The following BBX variants were observed in gnomAD, a reference collection of about 807,000 sequenced individuals.
BBX encodes BBX high mobility group box domain containing, also known as HMG box transcription factor BBX.
BBX carries 30 observed loss-of-function variants against 100.2 expected under a neutral mutation model. That is an observed-to-expected ratio of 0.30 (90% confidence interval 0.22 to 0.41). The LOEUF (loss-of-function observed/expected upper bound fraction) is 0.41. Ranked by LOEUF, BBX falls within the 10% of genes least tolerant of loss-of-function variation. The pLI is 1.00. For synonymous variants in BBX, 376 were observed against 388.1 expected, an observed-to-expected ratio of 0.97 and a Z score of 0.37; for missense variants, 1,023 against 1,129.8, an observed-to-expected ratio of 0.91 and a Z score of 1.35.
rs191163049 is a variant in BBX, at chr3:107,686,552, G to T, written c.-9-23900G>T. Among the ~76,000 whole-genome samples, 458 of 152,044 alleles carry T rather than the reference G, an allele frequency of 3.0e-3. 2 individuals carry two copies. The highest frequency in any genetic ancestry group is 3.6e-3 in the Non-Finnish European group (244 of 67,980). Reference sequence around the variant, plus strand: ...TAGTGACAGTAGTTGTCTGGACTTTGCAGTATCAATAATTTAGCACTTTTA... The same window carrying T: ...TAGTGACAGTAGTTGTCTGGACTTTTCAGTATCAATAATTTAGCACTTTTA... On this transcript the variant is annotated intron_variant, in intron 3 of 17. Coordinates refer to ENST00000325805, the MANE Select transcript of BBX (RefSeq NM_001142568.3).
chr3:107,781,362 G>A (rs552792536), intron 13 of BBX, among the ~76,000 whole-genome samples: 2 of 151,970 alleles, frequency 1.3e-5, no homozygotes, highest in East Asian at 1.9e-4. Flanking sequence ...CTCCAACTTG[G>A]GCTATGTTAT....
At chr3:107,759,985 T>G (rs903780971) in intron 10 of BBX, among the ~76,000 whole-genome samples, 1 of 152,250 alleles carries the variant, frequency 6.6e-6, no homozygotes, top group African/African-American at 2.4e-5. Context: ...ATTTATTATC[T>G]GCTGTGTGTT....
At chr3:107,543,013 T>G (rs2048973921) in intron 2 of BBX, among the ~76,000 whole-genome samples, 1 of 152,206 alleles carries the variant, frequency 6.6e-6, no homozygotes, top group African/African-American at 2.4e-5. Flanking sequence ...ATTTCTTGAC[T>G]CATTCTAAAC....
intron 2 of BBX, among the ~76,000 whole-genome samples, chr3:107,595,089 T>A (rs2053589052): frequency 6.6e-6 from 1 of 152,204 alleles, no homozygotes; most frequent in Non-Finnish European, 1.5e-5. Context: ...CAGAGCTGTT[T>A]CAGTGGGGCA....
chr3:107,576,207 G>A (rs1016033228), intron 2 of BBX, among the ~76,000 whole-genome samples: 5 of 152,272 alleles, frequency 3.3e-5, no homozygotes, highest in Admixed American at 2.0e-4. Context: ...GGGAAACTGG[G>A]GCTCAGTCAA....
Position 107,547,883 on chromosome 3 carries a change from G to A in BBX, c.-84+21485G>A, listed in dbSNP as rs149782388. On this transcript the variant is annotated intron_variant, in intron 2 of 17. Transcript: ENST00000325805. ...GAGTAACTTAGGTGGAATCACACAG[G>A]AGGGCCAAAGCCAACTCCTTTTCTA... is the stretch of plus-strand genomic sequence containing the variant. 8.7e-3 allele frequency among the ~76,000 whole-genome samples: 1,330 copies of A among 152,140 alleles called. 26 individuals are homozygous for A. Among genetic ancestry groups the A allele is most frequent in the African/African-American group, 0.031 (1,268 of 41,510 alleles).
At chr3:107,738,373 AC>A (rs1352833925) in intron 7 of BBX, among the ~76,000 whole-genome samples, 3 of 152,212 alleles carry the variant, frequency 2.0e-5, no homozygotes, top group African/African-American at 7.2e-5. Flanking sequence ...CAGCAGGTCT[AC>A]CCACTTGCCT....
intron 5 of BBX, among the ~76,000 whole-genome samples, chr3:107,726,461 T>TATTA (rs2062944517): frequency 6.6e-6 from 1 of 151,878 alleles, no homozygotes; most frequent in Non-Finnish European, 1.5e-5. Context: ...CCACTCAATT[T>TATTA]ATACTTGATG....
chr3:107,546,232 C>T lies in BBX; in HGVS notation c.-84+19834C>T, dbSNP rs148285760. Among the ~76,000 whole-genome samples, 54 of 152,310 alleles carry T rather than the reference C, an allele frequency of 3.5e-4. 1 individual carries two copies. In the East Asian group the frequency reaches 0.01, roughly 29 times the overall value. On this transcript the variant is annotated intron_variant, in intron 2 of 17. Coordinates refer to ENST00000325805, the MANE Select transcript of BBX (RefSeq NM_001142568.3). ...GCTACTGACCATCCATATTTTCATT[C>T]CTTAACTCCTAAGACTGTGCCAAGA...
intron 6 of BBX, among the ~76,000 whole-genome samples, chr3:107,730,901 C>T (rs1414531187): frequency 6.6e-6 from 1 of 152,168 alleles, no homozygotes; most frequent in Non-Finnish European, 1.5e-5. Flanking sequence ...GCCTAGACAT[C>T]TGAATCTAGG....
chr3:107,579,043 A>G (rs573752772), intron 2 of BBX, among the ~76,000 whole-genome samples: 1 of 152,232 alleles, frequency 6.6e-6, no homozygotes, highest in East Asian at 1.9e-4. Flanking sequence ...TCTATATTCC[A>G]GCTCTTTCGT....
chr3:107,559,927 A>G (rs2050357884), intron 2 of BBX, among the ~76,000 whole-genome samples: 1 of 152,026 alleles, frequency 6.6e-6, no homozygotes, highest in Non-Finnish European at 1.5e-5. Flanking sequence ...TATTTTTTGT[A>G]GAGACGAGGT....
chr3:107,571,487 CAGGGAGATTGAAGGGTAGTGAGAG>C (rs1471745422), intron 2 of BBX, among the ~76,000 whole-genome samples: 1 of 152,138 alleles, frequency 6.6e-6, no homozygotes, highest in East Asian at 1.9e-4. Flanking sequence ...GTTGGAAGGA[CAGGGAGATTGAAGGGTAGTGAGAG>C]AGGGAGATTG....
At chr3:107,717,767 A>G (rs913329760) in intron 5 of BBX, among the ~76,000 whole-genome samples, 1 of 152,128 alleles carries the variant, frequency 6.6e-6, no homozygotes, top group Non-Finnish European at 1.5e-5. Context: ...ATACACTTAA[A>G]TGTATTGTGA....
In BBX at chr3:107,809,210, GT is replaced by G. The variant is rs1416386733; in HGVS notation, c.*3754del. 2 of 152,202 alleles carry G rather than the reference GT, an allele frequency of 1.3e-5. No homozygotes were observed. Among genetic ancestry groups the G allele is most frequent in the South Asian group, 4.1e-4 (2 of 4,830 alleles). 9.4% of individuals were successfully genotyped at this position (152,202 alleles called of 1,614,324 possible). A position where few individuals can be genotyped will look rare whatever the true frequency, so the allele number is the denominator to read the frequency against. ...CTGAATGCCATGTTTTGTTTATAAG[GT>G]GGGGAGGGGAGGGAAAATACCAAAA... is the stretch of plus-strand genomic sequence containing the variant. On this transcript the variant is annotated 3_prime_UTR_variant, in exon 18 of 18. Transcript: ENST00000325805.
intron 17 of BBX, among the ~76,000 whole-genome samples, chr3:107,802,660 G>A (rs2070629753): frequency 6.6e-6 from 1 of 152,260 alleles, no homozygotes; most frequent in African/African-American, 2.4e-5. Flanking sequence ...CAGCTTGGCT[G>A]CTGCCTGTGT....
chr3:107,630,939 A>C (rs996662051), intron 2 of BBX, among the ~76,000 whole-genome samples: 2 of 152,160 alleles, frequency 1.3e-5, no homozygotes, highest in East Asian at 3.9e-4. Context: ...ATTTCAGCCC[A>C]TGGGCCCCTG....
intron 2 of BBX, among the ~76,000 whole-genome samples, chr3:107,584,755 G>C (rs921242607): frequency 1.7e-5 from 2 of 117,104 alleles, no homozygotes; most frequent in African/African-American, 3.3e-5. Flanking sequence ...GCAGTGGCAC[G>C]ATCTCAGCTC....
At chr3:107,749,725 C>T (rs1383087379) in intron 9 of BBX, among the ~76,000 whole-genome samples, 1 of 151,910 alleles carries the variant, frequency 6.6e-6, no homozygotes, top group African/African-American at 2.4e-5. Context: ...CCTCCACCTC[C>T]CAGGTTCAAG....
Sources: allele counts gnomAD v4.1 joint callset (sites outside exome capture counted in the v4.1 genomes callset), GRCh38; gene constraint gnomAD v4.1.1; transcripts MANE v1.5; gene names NCBI Gene and HGNC (gene_info 2026-07-23, HGNC 2026-07-21).